The following SPG7 variants were observed in gnomAD, a reference collection of about 807,000 sequenced individuals.
SPG7 encodes the protein SPG7 matrix AAA peptidase subunit, paraplegin.
In SPG7, 103 loss-of-function variants were observed where a neutral mutation model predicts 81.9. The observed-to-expected ratio is 1.26, with a 90% confidence interval of 1.07 to 1.48. SPG7 has a LOEUF of 1.48. SPG7 is among the 40% of genes most tolerant of loss of function. The pLI is 0.00. For missense variants in SPG7, 1,241 were observed against 1,087.3 expected (o/e 1.14, Z -1.99); for synonymous variants, 534 against 444.2 (o/e 1.20, Z -2.54).
At chr16:89,537,213 C>A in intron 9 of SPG7, 1 of 1,428,514 alleles carries the variant, frequency 7.0e-7, no homozygotes, top group Non-Finnish European at 9.1e-7. Context: ...GGAAATCTCA[C>A]TGGGGAAGAG....
At chr16:89,513,906 CTATTGGATGAGGGGATTAT>C (rs1164369132) in intron 3 of SPG7, among the ~76,000 whole-genome samples, 7 of 152,154 alleles carry the variant, frequency 4.6e-5, no homozygotes, top group Admixed American at 1.3e-4. Flanking sequence ...GATGGTTCAG[CTATTGGATGAGGGGATTAT>C]TATTGTGAAT....
At chr16:89,516,532 T>TA (rs2058098778) in intron 3 of SPG7, among the ~76,000 whole-genome samples, 1 of 151,506 alleles carries the variant, frequency 6.6e-6, no homozygotes, top group Admixed American at 6.6e-5. Flanking sequence ...GCCTGGATAA[T>TA]AGAGTGAGAC....
At chr16:89,515,242 CT>C (rs56289056) in intron 3 of SPG7, among the ~76,000 whole-genome samples, 120 of 140,356 alleles carry the variant, frequency 8.5e-4, no homozygotes, top group East Asian at 5.7e-3. Context: ...AGCCCTGGAC[CT>C]TTTTTTTTTT....
chr16:89,521,030 C>G (rs57654699), intron 3 of SPG7: 66,101 of 152,056 alleles, frequency 0.43, 14,903 homozygotes, highest in East Asian at 0.67. Context: ...TGGCCTGGCT[C>G]TCTAGGTCAT....
intron 14 of SPG7, chr16:89,553,532 TTGAG>T (rs2058657715): frequency 1.8e-6 from 1 of 555,076 alleles, no homozygotes. Flanking sequence ...GGGCTTGTGC[TTGAG>T]AACTGCCATG....
chr16:89,537,857 G>A (rs2058446768), intron 9 of SPG7: 1 of 813,286 alleles, frequency 1.2e-6, no homozygotes, highest in Non-Finnish European at 1.5e-6. Flanking sequence ...TCCTTAATGT[G>A]GCAGTAAATG....
At chr16:89,515,783 C>G (rs2058088475) in intron 3 of SPG7, among the ~76,000 whole-genome samples, 1 of 151,402 alleles carries the variant, frequency 6.6e-6, no homozygotes, top group South Asian at 2.1e-4. Context: ...TCTCGGCTCA[C>G]TGCAACCTCT....
intron 7 of SPG7, chr16:89,531,204 C>A: frequency 2.8e-6 from 1 of 353,296 alleles, no homozygotes; most frequent in South Asian, 2.3e-5. Context: ...CACCTGTAGT[C>A]CTGGCACCTC....
intron 10 of SPG7, chr16:89,545,180 C>G: frequency 2.9e-6 from 1 of 345,046 alleles, no homozygotes; most frequent in Non-Finnish European, 5.7e-6. Flanking sequence ...CCATCCGTAG[C>G]GTGGGCTCTG....
At chr16:89,519,946 A>T (rs1036981156) in intron 3 of SPG7, 1 of 152,354 alleles carries the variant, frequency 6.6e-6, no homozygotes, top group African/African-American at 2.4e-5. Flanking sequence ...CATAATATCT[A>T]ATTGTCAACA....
Position 89,544,766 on chromosome 16 carries a change from G to C in SPG7, c.1443G>C (p.Thr481=). Reference sequence around the variant, plus strand: ...GGCACGTCTTCATTGATCTCCCCACGCTGCAGGTCAGAGCCAGGATCCCAG... The same window carrying C: ...GGCACGTCTTCATTGATCTCCCCACCCTGCAGGTCAGAGCCAGGATCCCAG... ...LDRHVFIDLP[T]LQERREIFEQ... The change falls in exon 10 of 17, where the codon ACG becomes ACC. Residue 481 remains threonine (T), a synonymous_variant. Coordinates refer to ENST00000645818, the MANE Select transcript of SPG7 (RefSeq NM_003119.4). 1.2e-6 allele frequency: 2 copies of C among 1,613,976 alleles called. No homozygotes were observed. Among genetic ancestry groups the C allele is most frequent in the South Asian group, 2.2e-5 (2 of 91,086 alleles).
At chr16:89,516,247 G>C (rs564589124) in intron 3 of SPG7, among the ~76,000 whole-genome samples, 2 of 148,248 alleles carry the variant, frequency 1.3e-5, no homozygotes, top group African/African-American at 5.0e-5. Flanking sequence ...CTTGGTCTCC[G>C]AAAGTGCTGG....
intron 3 of SPG7, chr16:89,520,036 C>CATATGAG (rs1313324776): frequency 1.3e-5 from 2 of 152,266 alleles, no homozygotes; most frequent in Non-Finnish European, 2.9e-5. Flanking sequence ...ACGAGGTGTG[C>CATATGAG]ATATGAGGCT....
chr16:89,512,754 T>C (rs947541942), intron 2 of SPG7, among the ~76,000 whole-genome samples, 194 bp from the exon 3 acceptor site: 1 of 152,264 alleles, frequency 6.6e-6, no homozygotes, highest in African/African-American at 2.4e-5. Flanking sequence ...TAGTTTATTA[T>C]TTTGTAATTA....
At chr16:89,510,427 G>C (rs966876034) in intron 1 of SPG7, 63 bp from the exon 2 acceptor site, 1 of 992,548 alleles carries the variant, frequency 1.0e-6, no homozygotes, top group African/African-American at 1.6e-5. Context: ...TTTTTAGTCT[G>C]CATTGCTTTG....
At chr16:89,549,254 A>G (rs1274767459) in intron 12 of SPG7, 2 of 457,048 alleles carry the variant, frequency 4.4e-6, no homozygotes, top group Admixed American at 4.7e-5. Flanking sequence ...TTGAGTGCTC[A>G]GGACCACGAG....
At chr16:89,511,905 TGTTG>T (rs1255497922) in intron 2 of SPG7, among the ~76,000 whole-genome samples, 3 of 120,656 alleles carry the variant, frequency 2.5e-5, no homozygotes, top group African/African-American at 8.6e-5. Context: ...TTGTTGTTGT[TGTTG>T]TTGTTTATTA....
At chr16:89,524,397 C>A in intron 4 of SPG7, 150 bp downstream of exon 4, 5 of 903,972 alleles carry the variant, frequency 5.5e-6, no homozygotes, top group Non-Finnish European at 8.5e-6. Context: ...ATGCTTCTTT[C>A]TCATGCAGGG....
At chr16:89,518,688 A>G (rs2058139159) in intron 3 of SPG7, 1 of 152,246 alleles carries the variant, frequency 6.6e-6, no homozygotes, top group African/African-American at 2.4e-5. Flanking sequence ...GAAAGATCAC[A>G]TGCCGTATGA....
Sources: gnomAD v4.1 joint callset for allele counts (sites outside exome capture counted in the v4.1 genomes callset) on GRCh38, gnomAD v4.1.1 for gene constraint, MANE v1.5 for transcripts, NCBI Gene and HGNC (gene_info 2026-07-23, HGNC 2026-07-21) for gene names.